RIPOR2: variants seen among roughly 807,000 people sequenced by gnomAD.
The protein encoded by RIPOR2 is rho family-interacting cell polarization regulator 2.
Under a neutral mutation model 114.5 loss-of-function variants are expected in RIPOR2, and 39 were observed. That is an observed-to-expected ratio of 0.34 (90% confidence interval 0.26 to 0.44). RIPOR2 has a LOEUF of 0.44. RIPOR2 is among the 20% of genes least tolerant of loss of function. RIPOR2 has a pLI of 1.00. For synonymous variants in RIPOR2, 445 were observed against 484.4 expected (o/e 0.92, Z 1.07); for missense variants, 1,007 against 1,255.1 (o/e 0.80, Z 2.99).
intron 1 of RIPOR2, among the ~76,000 whole-genome samples, chr6:24,995,476 G>C (rs1775005205): frequency 6.6e-6 from 1 of 152,204 alleles, no homozygotes; most frequent in African/African-American, 2.4e-5. Flanking sequence ...GCCTTGCCTG[G>C]GAAACTGCCA....
intron 1 of RIPOR2, among the ~76,000 whole-genome samples, chr6:24,894,248 C>T (rs1767637390): frequency 6.6e-6 from 1 of 152,176 alleles, no homozygotes; most frequent in Non-Finnish European, 1.5e-5. Context: ...GCTTTGGCAC[C>T]TACTCTACAT....
At position 24,897,906 on chromosome 6, in the gene RIPOR2, C is replaced by G. The variant is rs142992017; in HGVS notation, c.62-22089G>C. Among the ~76,000 whole-genome samples, 72 of 152,074 alleles carry G rather than the reference C, an allele frequency of 4.7e-4. 1 individual carries two copies. In the South Asian group the frequency reaches 0.011, roughly 24 times the overall value. On this transcript the variant is annotated intron_variant, in intron 1 of 21. Coordinates refer to ENST00000643898, the MANE Select transcript of RIPOR2 (RefSeq NM_001286445.3). ...TCCCAAGTAGCTGGGACTACAGGCA[C>G]GCACCACCATGCCTGGCTGAGGCAG...
chr6:25,004,815 G>A (rs1208716143), intron 1 of RIPOR2, among the ~76,000 whole-genome samples: 2 of 151,956 alleles, frequency 1.3e-5, no homozygotes, highest in East Asian at 1.9e-4. Flanking sequence ...GCATGCGCAC[G>A]TGTGTGCATG....
chr6:24,925,684 G>A (rs1046660731), intron 1 of RIPOR2, among the ~76,000 whole-genome samples: 2 of 151,212 alleles, frequency 1.3e-5, no homozygotes, highest in African/African-American at 4.9e-5. Flanking sequence ...CCTGGTGACA[G>A]AGTGAGACTC....
At chr6:24,953,321 A>G (rs1444055685) in intron 1 of RIPOR2, among the ~76,000 whole-genome samples, 1 of 85,312 alleles carries the variant, frequency 1.2e-5, no homozygotes, top group African/African-American at 4.0e-5. Context: ...CAACAAGAGC[A>G]AAACTCTGCC....
At chr6:24,884,291 C>T (rs1766609923) in intron 1 of RIPOR2, among the ~76,000 whole-genome samples, 1 of 152,108 alleles carries the variant, frequency 6.6e-6, no homozygotes, top group Non-Finnish European at 1.5e-5. Flanking sequence ...TGCCTGTAGT[C>T]CCAGCTACTC....
Position 24,821,184 on chromosome 6 carries a change from G to GTTT in RIPOR2, c.2869-2562_2869-2560dup, listed in dbSNP as rs34318379. On this transcript the variant is annotated intron_variant, in intron 19 of 21. Coordinates refer to ENST00000643898, the MANE Select transcript of RIPOR2 (RefSeq NM_001286445.3). ...CACCGCGCCCAGCCAGTTTAACACTGTTTTTTTTTTTTTTTGAGATGGAGT... is the reference window on the plus strand; with the variant it reads ...CACCGCGCCCAGCCAGTTTAACACTGTTTTTTTTTTTTTTTTTTGAGATGGAGT... Among the ~76,000 whole-genome samples the GTTT allele has an allele frequency of 3.9e-4, 50 of 127,970 alleles. 1 individual carries two copies. The highest frequency in any genetic ancestry group is 4.9e-4 in the Non-Finnish European group (30 of 61,652). 84.0% of individuals were successfully genotyped at this position (127,970 alleles called of 152,430 possible).
In RIPOR2 at chr6:24,870,848, C is replaced by G; in HGVS notation, c.447+18G>C. Reference sequence around the variant, plus strand: ...AATTTTTTTCTTATTAGCACCCCAACACGGAATGGCAACTTACCTTGTCTA... The same window carrying G: ...AATTTTTTTCTTATTAGCACCCCAAGACGGAATGGCAACTTACCTTGTCTA... On this transcript the variant is annotated intron_variant, in intron 5 of 21. Coordinates refer to ENST00000643898, the MANE Select transcript of RIPOR2 (RefSeq NM_001286445.3). 1 of 1,600,136 alleles carries G rather than the reference C, an allele frequency of 6.2e-7. No individual in the cohort carries two copies. The highest frequency in any genetic ancestry group is 8.5e-7 in the Non-Finnish European group (1 of 1,171,208).
chr6:25,002,747 A>G (rs1775377174), intron 1 of RIPOR2, among the ~76,000 whole-genome samples: 1 of 152,244 alleles, frequency 6.6e-6, no homozygotes, highest in South Asian at 2.1e-4. Context: ...GCACGGTGTC[A>G]ATCAAAAATA....
chr6:24,900,942 G>A (rs1351343696), intron 1 of RIPOR2, among the ~76,000 whole-genome samples: 1 of 152,240 alleles, frequency 6.6e-6, no homozygotes, highest in East Asian at 1.9e-4. Context: ...AGCCTCTGGA[G>A]TAGCTGGGAC....
intron 4 of RIPOR2, among the ~76,000 whole-genome samples, 180 bp from the exon 5 acceptor site, chr6:24,871,069 A>C (rs1333093754): frequency 6.6e-6 from 1 of 152,222 alleles, no homozygotes; most frequent in Non-Finnish European, 1.5e-5. Flanking sequence ...GCTTTAAAAG[A>C]ATAAAAACTT....
chr6:24,836,319 T>C (rs541665971), intron 14 of RIPOR2, among the ~76,000 whole-genome samples: 18 of 152,272 alleles, frequency 1.2e-4, no homozygotes, highest in Non-Finnish European at 2.6e-4. Flanking sequence ...AACTGCTACT[T>C]GAATAAAAGG....
At chr6:24,838,562 C>G (rs928325595) in intron 14 of RIPOR2, among the ~76,000 whole-genome samples, 1 of 152,034 alleles carries the variant, frequency 6.6e-6, no homozygotes, top group African/African-American at 2.4e-5. Flanking sequence ...GAGGCTGAGG[C>G]GGGTGGATCA....
intron 17 of RIPOR2, among the ~76,000 whole-genome samples, chr6:24,828,891 G>A (rs1760427076): frequency 1.3e-5 from 2 of 152,100 alleles, no homozygotes; most frequent in East Asian, 1.9e-4. Flanking sequence ...AGTTTCACCT[G>A]TTCTTGAACT....
intron 1 of RIPOR2, among the ~76,000 whole-genome samples, chr6:24,955,321 A>G (rs1481852440): frequency 6.6e-6 from 1 of 152,148 alleles, no homozygotes; most frequent in South Asian, 2.1e-4. Flanking sequence ...TATGCGTGGC[A>G]TATTTTCTTT....
chr6:25,013,995 G>A (rs529515693), intron 1 of RIPOR2, among the ~76,000 whole-genome samples: 1 of 152,252 alleles, frequency 6.6e-6, no homozygotes. Context: ...ACTGGAAGTG[G>A]CTTCAATGTT....
intron 1 of RIPOR2, among the ~76,000 whole-genome samples, chr6:24,941,204 AT>A (rs1393549304): frequency 1.3e-5 from 2 of 152,152 alleles, no homozygotes; most frequent in African/African-American, 4.8e-5. Flanking sequence ...ACTAAAGACA[AT>A]GACGGTAATT....
At chr6:24,911,278 C>T (rs1769563634) in intron 1 of RIPOR2, 2 of 152,204 alleles carry the variant, frequency 1.3e-5, no homozygotes, top group Admixed American at 1.3e-4. Flanking sequence ...GCACGCCAGG[C>T]TCCTTTGCAA....
chr6:24,853,381 C>T (rs1208063430), intron 8 of RIPOR2, among the ~76,000 whole-genome samples: 3 of 152,338 alleles, frequency 2.0e-5, no homozygotes, highest in Admixed American at 2.0e-4. Flanking sequence ...ATCTCAGGAA[C>T]TCTGGGTTTG....
Sources: gnomAD v4.1 joint callset for allele counts (sites outside exome capture counted in the v4.1 genomes callset) on GRCh38, gnomAD v4.1.1 for gene constraint, MANE v1.5 for transcripts, NCBI Gene and HGNC (gene_info 2026-07-23, HGNC 2026-07-21) for gene names.